Variants in TMEM132D observed in about 807,000 individuals in gnomAD.
TMEM132D encodes mature OL transmembrane protein.
Under a neutral mutation model 62.3 loss-of-function variants are expected in TMEM132D, and 21 were observed. The observed-to-expected ratio is 0.34, with a 90% CI of 0.24 to 0.49. The LOEUF is 0.49. Among genes scored for constraint, TMEM132D ranks in the 20% least tolerant of loss-of-function variants. TMEM132D has a pLI of 0.99. For synonymous variants in TMEM132D, 621 were observed against 575.6 expected, an observed-to-expected ratio of 1.08 and a Z score of -1.13; for missense variants, 1,346 against 1,402.8, an observed-to-expected ratio of 0.96 and a Z score of 0.65.
chr12:129,259,216 C>T (rs887145826), intron 4 of TMEM132D, among the ~76,000 whole-genome samples: 1 of 152,190 alleles, frequency 6.6e-6, no homozygotes, highest in East Asian at 1.9e-4. Context: ...ACAGCCAACA[C>T]TCACTGCAGG....
At chr12:129,265,141 G>A (rs1222714553) in intron 4 of TMEM132D, among the ~76,000 whole-genome samples, 1 of 152,132 alleles carries the variant, frequency 6.6e-6, no homozygotes, top group Non-Finnish European at 1.5e-5. Context: ...GAGCTGCCAG[G>A]TGGGTCACAC....
intron 4 of TMEM132D, among the ~76,000 whole-genome samples, chr12:129,305,859 A>T (rs960421216): frequency 3.3e-5 from 5 of 152,344 alleles, no homozygotes; most frequent in Admixed American, 3.3e-4. Context: ...TATTATTAGT[A>T]TAAATAAATA....
At chr12:129,740,410 A>G (rs1371446203) in intron 1 of TMEM132D, among the ~76,000 whole-genome samples, 3 of 152,136 alleles carry the variant, frequency 2.0e-5, no homozygotes, top group Admixed American at 1.3e-4. Flanking sequence ...CCTATAATGC[A>G]CCTGTTGCAT....
At chr12:129,756,930 C>T (rs1870186843) in intron 1 of TMEM132D, among the ~76,000 whole-genome samples, 2 of 152,160 alleles carry the variant, frequency 1.3e-5, no homozygotes, top group Admixed American at 1.3e-4. Context: ...CAGAGTCTCT[C>T]TCCCTCCCCA....
At chr12:129,202,954 G>C (rs912808787) in intron 5 of TMEM132D, among the ~76,000 whole-genome samples, 1 of 152,084 alleles carries the variant, frequency 6.6e-6, no homozygotes, top group African/African-American at 2.4e-5. Context: ...GCAAATGTTT[G>C]CTGACAGCAA....
intron 2 of TMEM132D, among the ~76,000 whole-genome samples, chr12:129,626,210 C>T (rs1226672261): frequency 1.3e-5 from 2 of 152,132 alleles, no homozygotes; most frequent in Non-Finnish European, 2.9e-5. Context: ...TGGGAATCTC[C>T]AGGAGGAAGA....
chr12:129,531,291 G>A (rs1033224083), intron 2 of TMEM132D, 86 bp from the exon 3 acceptor site: 101 of 1,455,280 alleles, frequency 6.9e-5, no homozygotes, highest in Non-Finnish European at 9.1e-5. Flanking sequence ...GAGCTTAATT[G>A]CTCACCGTTG....
At chr12:129,633,577 G>A (rs972751553) in intron 2 of TMEM132D, among the ~76,000 whole-genome samples, 11 of 152,040 alleles carry the variant, frequency 7.2e-5, no homozygotes, top group African/African-American at 2.4e-4. Flanking sequence ...ATTCACACCC[G>A]GAGCCTTCCT....
chr12:129,788,432 A>G (rs938832867), intron 1 of TMEM132D, among the ~76,000 whole-genome samples: 3 of 152,236 alleles, frequency 2.0e-5, no homozygotes, highest in African/African-American at 7.2e-5. Context: ...GAATAAACCC[A>G]TGACCCTCTG....
At chr12:129,246,019 C>T (rs909288084) in intron 4 of TMEM132D, among the ~76,000 whole-genome samples, 4 of 152,094 alleles carry the variant, frequency 2.6e-5, no homozygotes, top group African/African-American at 9.7e-5. Context: ...GACGTAGTTG[C>T]GTGGTTTGTC....
chr12:129,674,070 G>C (rs1275021506), intron 2 of TMEM132D, among the ~76,000 whole-genome samples: 2 of 152,182 alleles, frequency 1.3e-5, no homozygotes, highest in Non-Finnish European at 2.9e-5. Context: ...AGCTCTCCCT[G>C]TCTGAAATGC....
At chr12:129,590,512 G>A (rs142974141) in intron 2 of TMEM132D, among the ~76,000 whole-genome samples, 13 of 152,304 alleles carry the variant, frequency 8.5e-5, no homozygotes, top group Non-Finnish European at 1.8e-4. Context: ...GATCTTGTAA[G>A]AATCTGGCAA....
intron 1 of TMEM132D, among the ~76,000 whole-genome samples, chr12:129,838,918 G>A: frequency 6.6e-6 from 1 of 150,994 alleles, no homozygotes; most frequent in Admixed American, 6.6e-5. Flanking sequence ...TTTTTTGGAG[G>A]TCAGTTAAGA....
chr12:129,707,101 T>C (rs1881523006), intron 1 of TMEM132D, among the ~76,000 whole-genome samples: 1 of 149,326 alleles, frequency 6.7e-6, no homozygotes, highest in South Asian at 2.1e-4. Context: ...AAAATAACAA[T>C]GTAAGACAAC....
At chr12:129,320,934 C>T (rs35128803) in intron 4 of TMEM132D, among the ~76,000 whole-genome samples, 23,598 of 151,752 alleles carry the variant, frequency 0.16, 2,568 homozygotes, top group Non-Finnish European at 0.23. Context: ...AAAATGAAAG[C>T]GAGCCACCCA....
chr12:129,863,424 G>T (rs1188821270), intron 1 of TMEM132D, among the ~76,000 whole-genome samples: 2 of 152,116 alleles, frequency 1.3e-5, no homozygotes, highest in Non-Finnish European at 2.9e-5. Context: ...CGGCGAGTCT[G>T]GTATTTTTAA....
intron 5 of TMEM132D, among the ~76,000 whole-genome samples, chr12:129,118,314 TTA>T (rs1875956760): frequency 6.6e-6 from 1 of 152,238 alleles, no homozygotes; most frequent in African/African-American, 2.4e-5. Context: ...CTTTGAGTTA[TTA>T]TGAAACATCC....
At chr12:129,311,605 A>G (rs966123393) in intron 4 of TMEM132D, among the ~76,000 whole-genome samples, 1 of 152,218 alleles carries the variant, frequency 6.6e-6, no homozygotes, top group Non-Finnish European at 1.5e-5. Context: ...GGGTAATTTC[A>G]AGTAATTAAA....
intron 2 of TMEM132D, among the ~76,000 whole-genome samples, chr12:129,674,819 G>A (rs143087874): frequency 0.1 from 15,277 of 152,190 alleles, 998 homozygotes; most frequent in Admixed American, 0.19. Flanking sequence ...GATTACAGGC[G>A]TGAGCCACCA....
Sources: allele counts gnomAD v4.1 joint callset (sites outside exome capture counted in the v4.1 genomes callset), GRCh38; gene constraint gnomAD v4.1.1; transcripts MANE v1.5; gene names NCBI Gene and HGNC (gene_info 2026-07-23, HGNC 2026-07-21).